LEPR: variants seen among roughly 807,000 people sequenced by gnomAD.
LEPR encodes the protein OB receptor.
A neutral mutation model predicts 114.7 loss-of-function variants in LEPR; 56 were observed. That is an observed-to-expected ratio of 0.49 (90% CI 0.39 to 0.61). The LOEUF is 0.61. LEPR is among the 20% of genes least tolerant of loss of function. The probability of loss-of-function intolerance (pLI) is 0.00; values close to 1 mark genes in which losing one functional copy is unlikely to be tolerated. For synonymous variants in LEPR, 443 were observed against 461.4 expected, an observed-to-expected ratio of 0.96 and a Z score of 0.51; for missense variants, 1,202 against 1,352.9, an observed-to-expected ratio of 0.89 and a Z score of 1.75.
intron 2 of LEPR, among the ~76,000 whole-genome samples, chr1:65,524,388 A>G (rs1033021467): frequency 6.6e-6 from 1 of 152,204 alleles, no homozygotes; most frequent in African/African-American, 2.4e-5. Flanking sequence ...CCCATTTAGT[A>G]CACAAATATG....
intron 19 of LEPR, among the ~76,000 whole-genome samples, chr1:65,626,804 C>G (rs577196940): frequency 3.3e-5 from 5 of 151,958 alleles, no homozygotes; most frequent in African/African-American, 1.2e-4. Flanking sequence ...CCACCACGCC[C>G]GGCTAATTTT....
intron 2 of LEPR, among the ~76,000 whole-genome samples, chr1:65,475,182 A>C (rs1359371040): frequency 2.6e-5 from 4 of 152,176 alleles, no homozygotes; most frequent in Admixed American, 2.6e-4. Flanking sequence ...ACTGAATTAC[A>C]AGTTAATACT....
chr1:65,564,613 TG>T (rs1466085267), intron 2 of LEPR, among the ~76,000 whole-genome samples: 1 of 152,226 alleles, frequency 6.6e-6, no homozygotes, highest in Non-Finnish European at 1.5e-5. Context: ...CTATTCTTTG[TG>T]GTAAAGTGTG....
In LEPR at chr1:65,621,273, G is replaced by A. The variant is rs1021322296; in HGVS notation, c.2492-80G>A. Reference sequence around the variant, plus strand: ...GAGATTTGTGATGAATTCAGAAAATGTCTACTATAATTTTTGATACAGAAA... The same window carrying A: ...GAGATTTGTGATGAATTCAGAAAATATCTACTATAATTTTTGATACAGAAA... On this transcript the variant is annotated intron_variant, in intron 17 of 19. Transcript: ENST00000349533. The A allele has an allele frequency of 3.4e-5, 40 of 1,186,442 alleles. No individual in the cohort carries two copies. The Admixed American group carries it at 6.9e-4, about 21-fold the overall frequency. 73.5% of individuals were successfully genotyped at this position (1,186,442 alleles called of 1,614,324 possible).
chr1:65,458,362 C>T (rs1305262557), intron 2 of LEPR, among the ~76,000 whole-genome samples: 2 of 152,122 alleles, frequency 1.3e-5, no homozygotes, highest in South Asian at 4.1e-4. Flanking sequence ...TCTTTCAAGG[C>T]ATGTTTACTG....
chr1:65,601,828 A>T lies in LEPR; in HGVS notation c.1286-15A>T. 1 of 1,604,814 alleles carries T rather than the reference A, an allele frequency of 6.2e-7. No individual in the cohort carries two copies. The highest frequency in any genetic ancestry group is 8.5e-7 in the Non-Finnish European group (1 of 1,174,064). ...GTTTTTGCTTTATATTAATATTTTA[A>T]TATGTTTCAAATAGATGTCAATATC... On this transcript the variant is annotated splice_polypyrimidine_tract_variant and intron_variant, in intron 9 of 19. Transcript: ENST00000349533.
At chr1:65,521,086 T>C (rs1411905135) in intron 2 of LEPR, among the ~76,000 whole-genome samples, 1 of 152,258 alleles carries the variant, frequency 6.6e-6, no homozygotes, top group Non-Finnish European at 1.5e-5. Context: ...CCAACAGTTG[T>C]TGGCCAAAGA....
chr1:65,603,309 C>G (rs1180739665), intron 10 of LEPR, among the ~76,000 whole-genome samples: 1 of 151,834 alleles, frequency 6.6e-6, no homozygotes, highest in African/African-American at 2.4e-5. Context: ...CAGATGACCC[C>G]TCACTCCTCA....
At chr1:65,491,779 G>A (rs1647886065) in intron 2 of LEPR, among the ~76,000 whole-genome samples, 1 of 152,082 alleles carries the variant, frequency 6.6e-6, no homozygotes, top group Admixed American at 6.6e-5. Flanking sequence ...ATTTTTACCA[G>A]TATCCTTGCC....
chr1:65,456,849 A>AT (rs904570170), intron 2 of LEPR, among the ~76,000 whole-genome samples: 1 of 151,838 alleles, frequency 6.6e-6, no homozygotes, highest in African/African-American at 2.4e-5. Context: ...TATTTGTTAG[A>AT]TTTTTATTTG....
At chr1:65,425,268 G>A in intron 1 of LEPR, 35 bp from the exon 2 acceptor site, 1 of 1,597,658 alleles carries the variant, frequency 6.3e-7, no homozygotes, top group Middle Eastern at 1.7e-4. Context: ...AACCTCTACT[G>A]TGGGAACTTT....
intron 2 of LEPR, among the ~76,000 whole-genome samples, chr1:65,518,873 T>TTTTCTTTTC (rs766243724): frequency 1.7e-5 from 2 of 117,216 alleles, no homozygotes; most frequent in Admixed American, 8.9e-5. Context: ...CTTTCTTTCT[T>TTTTCTTTTC]TTTCTTTCTT....
chr1:65,505,248 T>C (rs1570574632), intron 2 of LEPR, among the ~76,000 whole-genome samples: 1 of 152,184 alleles, frequency 6.6e-6, no homozygotes, highest in Non-Finnish European at 1.5e-5. Context: ...CTATTGGATA[T>C]TGAGCTCCTA....
chr1:65,576,175 A>G, intron 5 of LEPR: 1 of 174,964 alleles, frequency 5.7e-6, no homozygotes, highest in Admixed American at 5.5e-5. Flanking sequence ...AGATTGCCAT[A>G]GCCACAGAGT....
At chr1:65,634,864 A>G in intron 19 of LEPR, 4 of 878,238 alleles carry the variant, frequency 4.6e-6, no homozygotes, top group Non-Finnish European at 5.5e-6. Context: ...GTATAAAACC[A>G]TAGATTTCTT....
chr1:65,588,368 A>G (rs1428313685), intron 5 of LEPR, among the ~76,000 whole-genome samples: 1 of 152,038 alleles, frequency 6.6e-6, no homozygotes, highest in Non-Finnish European at 1.5e-5. Context: ...ATTGCTTACA[A>G]AAATTTCCTG....
At position 65,617,062 on chromosome 1, in the gene LEPR, C is replaced by T. The variant is rs1474939051; in HGVS notation, c.2212+838C>T. 2.6e-5 allele frequency among the ~76,000 whole-genome samples: 4 copies of T among 152,268 alleles called. No individual in the cohort carries two copies. In the East Asian group the frequency reaches 5.8e-4, roughly 22 times the overall value. On this transcript the variant is annotated intron_variant, in intron 15 of 19. Coordinates refer to ENST00000349533, the MANE Select transcript of LEPR (RefSeq NM_002303.6). The stretch of plus-strand genomic sequence containing the variant: ...ACCCAGCTCAGTGTTTTATGCTTAA[C>T]ATTTCCTAAGTATATATATTCTAGA...
At chr1:65,528,181 C>T (rs892867324) in intron 2 of LEPR, among the ~76,000 whole-genome samples, 1 of 150,312 alleles carries the variant, frequency 6.7e-6, no homozygotes, top group Non-Finnish European at 1.5e-5. Context: ...AAAAAGAACT[C>T]TCTTGGCAGA....
intron 3 of LEPR, among the ~76,000 whole-genome samples, chr1:65,569,505 G>A (rs930758967): frequency 3.3e-5 from 5 of 151,940 alleles, no homozygotes; most frequent in African/African-American, 7.2e-5. Context: ...TCAGGAGTTC[G>A]AGACCAGCCT....
Sources: gnomAD v4.1 joint callset for allele counts (sites outside exome capture counted in the v4.1 genomes callset) on GRCh38, gnomAD v4.1.1 for gene constraint, MANE v1.5 for transcripts, NCBI Gene and HGNC (gene_info 2026-07-23, HGNC 2026-07-21) for gene names.